The following ACSL3 variants were observed in gnomAD, a reference collection of about 807,000 sequenced individuals.
ACSL3 encodes the protein acyl-CoA synthetase long chain family member 3.
ACSL3 carries 34 observed loss-of-function variants against 84.7 expected under a neutral mutation model. The observed-to-expected ratio is 0.40, with a 90% CI of 0.31 to 0.53. The LOEUF is 0.53. Among genes scored for constraint, ACSL3 ranks in the 20% least tolerant of loss-of-function variants. ACSL3 has a pLI of 0.48. For synonymous variants in ACSL3, 315 were observed against 299.4 expected, an observed-to-expected ratio of 1.05 and a Z score of -0.54; for missense variants, 680 against 873.1, an observed-to-expected ratio of 0.78 and a Z score of 2.79.
intron 5 of ACSL3, 37 bp from the exon 6 acceptor site, chr2:222,918,009 G>A (rs371647391): frequency 7.0e-7 from 1 of 1,438,004 alleles, no homozygotes; most frequent in South Asian, 1.2e-5. Flanking sequence ...GTAGTTAAAT[G>A]TTTGAATATT....
rs767036419 is a variant in ACSL3, at chr2:222,930,809, A to G, written c.1729A>G (p.Ile577Val). 2.5e-5 allele frequency: 40 copies of G among 1,591,236 alleles called. No homozygotes were observed. The highest frequency in any genetic ancestry group is 4.1e-5 in the African/African-American group (3 of 73,670). ...TGAACCCGATGGATGCTTAAAGATT[A>G]TTGGTAAGTCATCTAATATTTTTTT... ...EFEPDGCLKIIDRKKDLVKLQ... is the reference protein window; with the variant it reads ...EFEPDGCLKIVDRKKDLVKLQ... Residue 577 changes from isoleucine to valine, a missense_variant, in exon 14 of 17, where the codon ATT (isoleucine) becomes GTT (valine). This residue lies in a region of ACSL3 where 347 missense variants were observed against 525.7 expected (regional missense o/e 0.66). Coordinates refer to ENST00000357430, the MANE Select transcript of ACSL3 (RefSeq NM_004457.5).
intron 2 of ACSL3, among the ~76,000 whole-genome samples, chr2:222,889,847 A>G (rs923172602): frequency 6.6e-5 from 10 of 152,242 alleles, no homozygotes; most frequent in Non-Finnish European, 1.5e-4. Context: ...AGGGAATGAC[A>G]CAGCAGAGAA....
chr2:222,931,492 C>G (rs576934809), intron 14 of ACSL3, among the ~76,000 whole-genome samples: 157 of 152,030 alleles, frequency 1.0e-3, no homozygotes, highest in African/African-American at 3.6e-3. Flanking sequence ...AGACTGTTCT[C>G]TTCAGTCAGC....
At chr2:222,915,538 G>A (rs1559294805) in intron 4 of ACSL3, among the ~76,000 whole-genome samples, 1 of 149,938 alleles carries the variant, frequency 6.7e-6, no homozygotes. Flanking sequence ...CAGTCCGTAT[G>A]TAATTAGGGA....
intron 2 of ACSL3, among the ~76,000 whole-genome samples, chr2:222,890,871 G>T (rs1346121927): frequency 1.3e-5 from 2 of 152,144 alleles, no homozygotes; most frequent in Non-Finnish European, 2.9e-5. Context: ...TTGAACTCCT[G>T]GCCTCAAGTG....
chr2:222,872,568 A>G (rs2106085660), intron 1 of ACSL3, among the ~76,000 whole-genome samples: 1 of 152,348 alleles, frequency 6.6e-6, no homozygotes, highest in African/African-American at 2.4e-5. Flanking sequence ...CACCAAGGAT[A>G]GAATGATGAA....
In ACSL3 at chr2:222,941,647, G is replaced by A. The variant is rs1349134006; in HGVS notation, c.2156G>A (p.Arg719Lys). ...GCGGACATTGAGCGAATGTATGGAA[G>A]AAAATAATTATTCTCTTCTGGCATC... ...YQADIERMYG[R>K]K The change falls in exon 17 of 17, where the codon AGA becomes AAA. Residue 719 changes from arginine (R) to lysine (K), a missense_variant. This residue lies in a region of ACSL3 where 347 missense variants were observed against 525.7 expected (regional missense o/e 0.66). Coordinates refer to ENST00000357430, the MANE Select transcript of ACSL3 (RefSeq NM_004457.5). The A allele has an allele frequency of 6.2e-7, 1 of 1,611,338 alleles. No individual in the cohort carries two copies. The highest frequency in any genetic ancestry group is 2.2e-5 in the East Asian group (1 of 44,836).
chr2:222,887,766 A>T (rs1011631245), intron 1 of ACSL3, 64 bp from the exon 2 acceptor site: 1 of 152,154 alleles, frequency 6.6e-6, no homozygotes, highest in African/African-American at 2.4e-5. Context: ...AAAAGTTGGC[A>T]TTCGGCTCTG....
intron 1 of ACSL3, among the ~76,000 whole-genome samples, chr2:222,886,085 G>T (rs929828562): frequency 1.3e-5 from 2 of 152,084 alleles, no homozygotes; most frequent in Non-Finnish European, 1.5e-5. Context: ...TAAGTTCTGG[G>T]ATACATGTGC....
At chr2:222,902,742 A>G (rs1470165214) in intron 3 of ACSL3, among the ~76,000 whole-genome samples, 2 of 152,222 alleles carry the variant, frequency 1.3e-5, no homozygotes, top group Non-Finnish European at 2.9e-5. Context: ...ATTGAATACC[A>G]GGGCCACCAC....
At chr2:222,893,496 G>A (rs1051455337) in intron 2 of ACSL3, among the ~76,000 whole-genome samples, 2 of 152,026 alleles carry the variant, frequency 1.3e-5, no homozygotes, top group African/African-American at 4.8e-5. Flanking sequence ...CCAATTTTGG[G>A]TTGAGTTACC....
At chr2:222,904,293 C>A (rs7607236) in intron 3 of ACSL3, among the ~76,000 whole-genome samples, 46,746 of 151,602 alleles carry the variant, frequency 0.31, 7,469 homozygotes, top group Admixed American at 0.4. Flanking sequence ...CAAAACAAAA[C>A]AAAAAACAAT....
intron 1 of ACSL3, among the ~76,000 whole-genome samples, chr2:222,874,558 G>A (rs1016646247): frequency 2.0e-5 from 3 of 151,676 alleles, no homozygotes; most frequent in African/African-American, 7.3e-5. Context: ...ACTGAGTTGG[G>A]TGCTGTGGTT....
chr2:222,876,647 C>T (rs930355385), intron 1 of ACSL3, among the ~76,000 whole-genome samples: 9 of 151,792 alleles, frequency 5.9e-5, no homozygotes, highest in African/African-American at 1.9e-4. Context: ...AAAATATTTT[C>T]TTTATGCCTA....
intron 1 of ACSL3, among the ~76,000 whole-genome samples, chr2:222,886,886 G>A (rs1182590322): frequency 1.3e-5 from 2 of 152,076 alleles, no homozygotes; most frequent in African/African-American, 2.4e-5. Context: ...TCCCCAGAGT[G>A]CTACATTGGT....
rs113377821 is a variant in ACSL3 at position 222,902,875 on chromosome 2, TC to T, written c.-41+2098del. Among the ~76,000 whole-genome samples, 457 of 152,320 alleles carry T rather than the reference TC, an allele frequency of 3.0e-3. 2 individuals are homozygous for T. Among genetic ancestry groups the T allele is most frequent in the African/African-American group, 0.01 (436 of 41,566 alleles). On this transcript the variant is annotated intron_variant, in intron 3 of 16. Coordinates refer to ENST00000357430, the MANE Select transcript of ACSL3 (RefSeq NM_004457.5). Reference sequence around the variant, plus strand: ...GGTGGGCAAACTGGGACAGACTTTCTCCCTCTGGGTCACGGGTTTCAACCTG... The same window carrying T: ...GGTGGGCAAACTGGGACAGACTTTCTCCTCTGGGTCACGGGTTTCAACCTG...
chr2:222,914,803 T>C (rs542344765), intron 4 of ACSL3, among the ~76,000 whole-genome samples: 1 of 152,340 alleles, frequency 6.6e-6, no homozygotes, highest in African/African-American at 2.4e-5. Flanking sequence ...TCAGATACAA[T>C]ATAGAGTGGG....
At chr2:222,913,687 C>G (rs1696501357) in intron 4 of ACSL3, among the ~76,000 whole-genome samples, 2 of 152,112 alleles carry the variant, frequency 1.3e-5, no homozygotes, top group African/African-American at 4.8e-5. Context: ...CTTAATAAGA[C>G]CCGGACTTCT....
At chr2:222,879,821 A>T (rs1477956277) in intron 1 of ACSL3, among the ~76,000 whole-genome samples, 1 of 152,148 alleles carries the variant, frequency 6.6e-6, no homozygotes, top group Non-Finnish European at 1.5e-5. Flanking sequence ...CAACAGTCGT[A>T]GGCCAGGCAA....
Sources: gnomAD v4.1 joint callset for allele counts (sites outside exome capture counted in the v4.1 genomes callset) on GRCh38, gnomAD v4.1.1 for gene constraint, gnomAD v4.1.1 regional missense constraint, MANE v1.5 for transcripts, NCBI Gene and HGNC (gene_info 2026-07-23, HGNC 2026-07-21) for gene names.